PTPRD: variants seen among roughly 807,000 people sequenced by gnomAD.
PTPRD encodes the protein receptor-type tyrosine-protein phosphatase delta.
In PTPRD, 34 loss-of-function variants were observed where a neutral mutation model predicts 214.5. That is an observed-to-expected ratio of 0.16 (90% CI 0.12 to 0.21). The LOEUF (loss-of-function observed/expected upper bound fraction) is 0.21. PTPRD is among the 10% of genes least tolerant of loss of function. The pLI is 1.00. For synonymous variants in PTPRD, 1,128 were observed against 845.7 expected, an observed-to-expected ratio of 1.33 and a Z score of -5.79; for missense variants, 2,545 against 2,398.7, an observed-to-expected ratio of 1.06 and a Z score of -1.27.
intron 11 of PTPRD, among the ~76,000 whole-genome samples, chr9:8,796,768 C>T (rs2096438185): frequency 6.6e-6 from 1 of 151,928 alleles, no homozygotes; most frequent in Non-Finnish European, 1.5e-5. Flanking sequence ...TTTCCTTAAT[C>T]CAGGATTATG....
At chr9:10,450,199 C>A (rs1348625259) in intron 2 of PTPRD, among the ~76,000 whole-genome samples, 2 of 151,530 alleles carry the variant, frequency 1.3e-5, no homozygotes, top group Non-Finnish European at 2.9e-5. Context: ...ATGACCCTGG[C>A]AAATCCCCCT....
intron 12 of PTPRD, among the ~76,000 whole-genome samples, chr9:8,671,703 G>A (rs2097290265): frequency 6.6e-6 from 1 of 152,120 alleles, no homozygotes; most frequent in African/African-American, 2.4e-5. Context: ...GAAATCTCCA[G>A]AAATTATTTT....
chr9:10,541,356 A>T (rs76418309), intron 2 of PTPRD, among the ~76,000 whole-genome samples: 4,965 of 152,242 alleles, frequency 0.033, 241 homozygotes, highest in African/African-American at 0.11. Flanking sequence ...TTTAAGTGTT[A>T]TAAATTTCCA....
At chr9:8,960,753 G>A (rs894866145) in intron 11 of PTPRD, among the ~76,000 whole-genome samples, 3 of 152,070 alleles carry the variant, frequency 2.0e-5, no homozygotes, top group African/African-American at 7.2e-5. Context: ...ATTGAAGCTG[G>A]CAAATTATGT....
chr9:9,452,268 T>C (rs1046878776), intron 8 of PTPRD, among the ~76,000 whole-genome samples: 1 of 151,536 alleles, frequency 6.6e-6, no homozygotes, highest in Non-Finnish European at 1.5e-5. Context: ...TTTCAGTGTG[T>C]TGATTGATGA....
At chr9:8,567,274 A>G (rs971712032) in intron 14 of PTPRD, among the ~76,000 whole-genome samples, 6 of 152,190 alleles carry the variant, frequency 3.9e-5, no homozygotes, top group African/African-American at 1.2e-4. Flanking sequence ...CTTCTGCCTC[A>G]AATATCACAA....
At chr9:8,786,033 T>TTCTGTGTGTG (rs148848994) in intron 11 of PTPRD, among the ~76,000 whole-genome samples, 12 of 143,224 alleles carry the variant, frequency 8.4e-5, no homozygotes, top group African/African-American at 1.9e-4. Flanking sequence ...GCTTAATTTG[T>TTCTGTGTGTG]TGTGTGTGTG....
intron 14 of PTPRD, among the ~76,000 whole-genome samples, chr9:8,624,890 A>G (rs2095964628): frequency 6.6e-6 from 1 of 151,832 alleles, no homozygotes; most frequent in Admixed American, 6.6e-5. Flanking sequence ...TGCAGAGGCC[A>G]CTGAAATAAT....
chr9:9,444,257 G>GT (rs1350308062), intron 8 of PTPRD, among the ~76,000 whole-genome samples: 6 of 151,954 alleles, frequency 3.9e-5, no homozygotes, highest in Non-Finnish European at 1.5e-5. Flanking sequence ...TTGACTTCTA[G>GT]TTTTTTATTT....
chr9:9,532,263 A>T (rs1467138088), intron 8 of PTPRD, among the ~76,000 whole-genome samples: 4 of 152,158 alleles, frequency 2.6e-5, no homozygotes, highest in African/African-American at 9.7e-5. Context: ...GCAGAGATTT[A>T]TATGAGGGTA....
At chr9:10,345,704 G>A (rs949548998) in intron 2 of PTPRD, among the ~76,000 whole-genome samples, 1 of 152,134 alleles carries the variant, frequency 6.6e-6, no homozygotes, top group Admixed American at 6.5e-5. Context: ...TTGCTATTGT[G>A]AACAGTGTTG....
At chr9:10,290,646 G>C (rs1455502987) in intron 3 of PTPRD, among the ~76,000 whole-genome samples, 1 of 151,820 alleles carries the variant, frequency 6.6e-6, no homozygotes, top group African/African-American at 2.4e-5. Flanking sequence ...TTTTATTTTT[G>C]GTTTTAATTA....
intron 11 of PTPRD, among the ~76,000 whole-genome samples, chr9:8,857,325 A>G (rs2097940704): frequency 6.6e-6 from 1 of 152,064 alleles, no homozygotes; most frequent in African/African-American, 2.4e-5. Context: ...CCCCAATACT[A>G]CGCCCACCCT....
chr9:9,822,659 G>A (rs1390931457), intron 5 of PTPRD, among the ~76,000 whole-genome samples: 1 of 151,478 alleles, frequency 6.6e-6, no homozygotes, highest in African/African-American at 2.4e-5. Context: ...TAAACTTACA[G>A]TCAAAACATA....
intron 3 of PTPRD, among the ~76,000 whole-genome samples, chr9:10,051,879 A>G (rs1423928091): frequency 1.3e-5 from 2 of 152,208 alleles, no homozygotes; most frequent in Non-Finnish European, 2.9e-5. Flanking sequence ...TTTCAAATTC[A>G]CATATTAGTT....
At chr9:9,368,641 T>C (rs182226441) in intron 9 of PTPRD, among the ~76,000 whole-genome samples, 23 of 152,002 alleles carry the variant, frequency 1.5e-4, no homozygotes, top group African/African-American at 5.5e-4. Context: ...TGAAATCATT[T>C]TGGTGGACTA....
At chr9:10,202,748 C>A (rs2099434320) in intron 3 of PTPRD, among the ~76,000 whole-genome samples, 2 of 145,292 alleles carry the variant, frequency 1.4e-5, no homozygotes, top group South Asian at 2.2e-4. Context: ...ATGTATGATG[C>A]AGTTTGATCT....
chr9:10,262,557 C>T (rs899811262), intron 3 of PTPRD, among the ~76,000 whole-genome samples: 1 of 152,184 alleles, frequency 6.6e-6, no homozygotes, highest in African/African-American at 2.4e-5. Context: ...TAATTGTTCA[C>T]TGATGATAAG....
rs189156041 is a variant in PTPRD, at chr9:9,200,448, T to C, written c.-202-17085A>G. 2.0e-5 allele frequency among the ~76,000 whole-genome samples: 3 copies of C among 152,346 alleles called. No homozygotes were observed. In the East Asian group the frequency reaches 5.8e-4, roughly 29 times the overall value. ...TAAATTTCTATGAGTGAAAACAGTT[T>C]ACACTTGTTGGCTTCACCTATGAGC... On this transcript the variant is annotated intron_variant, in intron 9 of 45. Transcript: ENST00000381196.
Sources: allele counts gnomAD v4.1 joint callset (sites outside exome capture counted in the v4.1 genomes callset), GRCh38; gene constraint gnomAD v4.1.1; transcripts MANE v1.5; gene names NCBI Gene and HGNC (gene_info 2026-07-23, HGNC 2026-07-21).